The following SORT1 variants were observed in gnomAD, a reference collection of about 807,000 sequenced individuals.
The protein encoded by SORT1 is sortilin 1.
Under a neutral mutation model 101.7 loss-of-function variants are expected in SORT1, and 39 were observed. The observed-to-expected ratio is 0.38, with a 90% CI of 0.30 to 0.50. The LOEUF (loss-of-function observed/expected upper bound fraction) is 0.50, where lower values mean the gene tolerates loss of function less well. Among genes scored for constraint, SORT1 ranks in the 20% least tolerant of loss-of-function variants. SORT1 has a pLI of 0.90. For missense variants in SORT1, 878 were observed against 1,040.4 expected, an observed-to-expected ratio of 0.84 and a Z score of 2.15; for synonymous variants, 396 against 393.7, an observed-to-expected ratio of 1.01 and a Z score of -0.07.
Position 109,397,453 on chromosome 1 carries a change from C to T in SORT1, c.306+134G>A, listed in dbSNP as rs901474195. 1.4e-3 allele frequency: 774 copies of T among 557,382 alleles called. 7 individuals carry two copies. In the African/African-American group the frequency reaches 0.014, roughly 10 times the overall value. The allele number at this position is 557,382 out of a possible 1,614,324, so 34.5% of individuals were successfully genotyped here. A position where few individuals can be genotyped will look rare whatever the true frequency, so the allele number is the denominator to read the frequency against. On this transcript the variant is annotated intron_variant, in intron 1 of 19. Coordinates refer to ENST00000256637, the MANE Select transcript of SORT1 (RefSeq NM_002959.7). The stretch of plus-strand genomic sequence containing the variant: ...TCCGCCCGCCCGCCCGCCGCAGTTT[C>T]GGGGCTGCGGCCCGGGGGACGCGGG...
intron 13 of SORT1, among the ~76,000 whole-genome samples, 165 bp from the exon 14 acceptor site, chr1:109,325,254 T>TC (rs1295848147): frequency 4.2e-5 from 4 of 95,380 alleles, no homozygotes; most frequent in African/African-American, 1.3e-4. Context: ...TTTTTTTTTT[T>TC]CTGAGATGGA....
At chr1:109,314,222 G>A (rs557855475) in intron 19 of SORT1, 39 bp downstream of exon 19, 4 of 1,142,234 alleles carry the variant, frequency 3.5e-6, no homozygotes, top group Admixed American at 4.2e-5. Context: ...GTATTTTTTG[G>A]GGGGGGGGGT....
chr1:109,369,014 A>C (rs1209871061), intron 2 of SORT1, among the ~76,000 whole-genome samples: 1 of 152,190 alleles, frequency 6.6e-6, no homozygotes, highest in Non-Finnish European at 1.5e-5. Context: ...CCACCGTGGA[A>C]GAAGGTGGTC....
At chr1:109,322,486 G>C (rs1279324204) in intron 15 of SORT1, among the ~76,000 whole-genome samples, 1 of 152,186 alleles carries the variant, frequency 6.6e-6, no homozygotes, top group Non-Finnish European at 1.5e-5. Flanking sequence ...CTGTGCCTCA[G>C]CTTCCTTGAT....
At chr1:109,384,938 T>C (rs1652479937) in intron 1 of SORT1, among the ~76,000 whole-genome samples, 1 of 151,912 alleles carries the variant, frequency 6.6e-6, no homozygotes, top group African/African-American at 2.4e-5. Context: ...ATTAGCCAGG[T>C]GTGGTGGCGT....
rs1353852109 is a variant in SORT1, at chr1:109,309,657, AT to A, written c.*4385del. The A allele has an allele frequency of 6.6e-6, 1 of 152,236 alleles. No homozygotes were observed. Among genetic ancestry groups the A allele is most frequent in the Non-Finnish European group, 1.5e-5 (1 of 68,044 alleles). The allele number at this position is 152,236 out of a possible 1,614,324, so 9.4% of individuals were successfully genotyped here. Reference sequence around the variant, plus strand: ...AAATTACCAGTACAAAGTTAAACACATTCAGATTTATTTACACAATGCTAAA... The same window carrying A: ...AAATTACCAGTACAAAGTTAAACACATCAGATTTATTTACACAATGCTAAA... On this transcript the variant is annotated 3_prime_UTR_variant, in exon 20 of 20. Coordinates refer to ENST00000256637, the MANE Select transcript of SORT1 (RefSeq NM_002959.7).
At chr1:109,327,657 T>G in intron 11 of SORT1, 56 bp from the exon 12 acceptor site, 1 of 1,197,416 alleles carries the variant, frequency 8.4e-7, no homozygotes, top group Non-Finnish European at 1.2e-6. Flanking sequence ...ACAATTTCTT[T>G]AATCATTTCA....
intron 5 of SORT1, among the ~76,000 whole-genome samples, chr1:109,351,965 GGTGTGTGTGTGTGTGTGT>G (rs10540637): frequency 4.1e-5 from 6 of 147,512 alleles, no homozygotes; most frequent in South Asian, 2.2e-4. Context: ...GAGAGGTAGG[GGTGTGTGTGTGTGTGTGT>G]GTGTGTGTGT....
intron 1 of SORT1, among the ~76,000 whole-genome samples, chr1:109,381,123 C>T (rs1349501793): frequency 2.0e-5 from 3 of 152,018 alleles, no homozygotes; most frequent in African/African-American, 4.8e-5. Flanking sequence ...AAACTGAGAA[C>T]GTCCGTATCA....
At chr1:109,347,680 T>G (rs972342933) in intron 6 of SORT1, 148 bp from the exon 7 acceptor site, 2 of 590,566 alleles carry the variant, frequency 3.4e-6, no homozygotes, top group African/African-American at 3.7e-5. Context: ...GCCCTGGTCC[T>G]TCACAGCTCT....
At chr1:109,351,965 G>GGGGTGTGTGTGTGTGT (rs932648162) in intron 5 of SORT1, among the ~76,000 whole-genome samples, 16 of 147,410 alleles carry the variant, frequency 1.1e-4, no homozygotes, top group African/African-American at 4.0e-4. Flanking sequence ...GAGAGGTAGG[G>GGGGTGTGTGTGTGTGT]GTGTGTGTGT....
chr1:109,337,157 G>C (rs766734324), intron 10 of SORT1, among the ~76,000 whole-genome samples: 1 of 151,716 alleles, frequency 6.6e-6, no homozygotes, highest in Admixed American at 6.6e-5. Flanking sequence ...TTTTTCCCTC[G>C]TCTCTTCCCC....
intron 9 of SORT1, 120 bp from the exon 10 acceptor site, chr1:109,340,999 T>G: frequency 1.4e-6 from 1 of 724,384 alleles, no homozygotes; most frequent in Middle Eastern, 2.5e-4. Context: ...TGTCTCTTCA[T>G]GATGAAGACT....
intron 1 of SORT1, among the ~76,000 whole-genome samples, chr1:109,375,734 G>C (rs1557820340): frequency 1.3e-5 from 2 of 151,750 alleles, no homozygotes; most frequent in Non-Finnish European, 2.9e-5. Context: ...CCACAAAAAA[G>C]ATGACATTAC....
At chr1:109,395,294 C>T (rs12711447) in intron 1 of SORT1, among the ~76,000 whole-genome samples, 101,933 of 144,890 alleles carry the variant, frequency 0.7, 36,104 homozygotes, top group East Asian at 0.96. Flanking sequence ...GATCTCGGCT[C>T]GCTGCAACCT....
chr1:109,377,618 T>G (rs931983867), intron 1 of SORT1, among the ~76,000 whole-genome samples: 1 of 152,192 alleles, frequency 6.6e-6, no homozygotes, highest in Non-Finnish European at 1.5e-5. Context: ...TAGCTAAACA[T>G]TGGTAAAGAT....
chr1:109,316,806 C>G (rs749176731), intron 17 of SORT1, 44 bp downstream of exon 17: 19 of 1,264,820 alleles, frequency 1.5e-5, no homozygotes, highest in Non-Finnish European at 2.0e-5. Flanking sequence ...TAGCAGAACA[C>G]AAAATCCCAT....
chr1:109,314,577 T>C (rs1181127410), intron 18 of SORT1, 95 bp downstream of exon 18: 4 of 1,086,876 alleles, frequency 3.7e-6, no homozygotes, highest in Non-Finnish European at 2.7e-6. Context: ...GTACTGCAAG[T>C]ACCTAGTTTT....
chr1:109,313,907 T>C lies in SORT1; in HGVS notation c.*136A>G. On this transcript the variant is annotated 3_prime_UTR_variant, in exon 20 of 20. Coordinates refer to ENST00000256637, the MANE Select transcript of SORT1 (RefSeq NM_002959.7). ...CTGCATTTCTTTAGTGTAGGTCCTT[T>C]TGGCTTTGATGGAAGCAGCAGAAAC... 1 of 778,822 alleles carries C rather than the reference T, an allele frequency of 1.3e-6. No individual in the cohort carries two copies. Among genetic ancestry groups the C allele is most frequent in the Non-Finnish European group, 2.1e-6 (1 of 481,382 alleles). 48.2% of individuals were successfully genotyped at this position (778,822 alleles called of 1,614,324 possible).
Sources: gnomAD v4.1 joint callset for allele counts (sites outside exome capture counted in the v4.1 genomes callset) on GRCh38, gnomAD v4.1.1 for gene constraint, MANE v1.5 for transcripts, NCBI Gene and HGNC (gene_info 2026-07-23, HGNC 2026-07-21) for gene names.